The following TRIM24 variants were observed in gnomAD, a reference collection of about 807,000 sequenced individuals.
TRIM24 encodes transcription intermediary factor 1-alpha.
Under a neutral mutation model 123.9 loss-of-function variants are expected in TRIM24, and 29 were observed. The ratio of observed to expected loss-of-function variants is 0.23; its 90% confidence interval spans 0.17 to 0.32. TRIM24 has a LOEUF of 0.32. TRIM24 is among the 10% of genes least tolerant of loss of function. TRIM24 has a pLI of 1.00. For missense variants in TRIM24, 932 were observed against 1,295.3 expected (o/e 0.72, Z 4.31); for synonymous variants, 456 against 461.1 (o/e 0.99, Z 0.14).
At chr7:138,524,800 C>T (rs908491744) in intron 4 of TRIM24, among the ~76,000 whole-genome samples, 1 of 152,070 alleles carries the variant, frequency 6.6e-6, no homozygotes, top group Admixed American at 6.5e-5. Flanking sequence ...TTTTGCCCTT[C>T]TCTGTCTGTA....
intron 7 of TRIM24, among the ~76,000 whole-genome samples, chr7:138,550,313 T>C (rs1461785923): frequency 1.5e-5 from 2 of 134,980 alleles, no homozygotes; most frequent in East Asian, 4.7e-4. Context: ...GAAAGAGGAG[T>C]TGATGGTGTG....
chr7:138,477,510 C>T (rs552152612), intron 1 of TRIM24, among the ~76,000 whole-genome samples: 54 of 152,208 alleles, frequency 3.5e-4, no homozygotes, highest in African/African-American at 1.1e-3. Context: ...CCCCAGCAAA[C>T]AAAACAAATG....
chr7:138,551,586 C>T (rs1470691535), intron 8 of TRIM24, among the ~76,000 whole-genome samples: 1 of 152,190 alleles, frequency 6.6e-6, no homozygotes, highest in Non-Finnish European at 1.5e-5. Context: ...TATAAACACA[C>T]ATACATGTAT....
At chr7:138,582,601 G>A (rs1197440644) in intron 17 of TRIM24, among the ~76,000 whole-genome samples, 2 of 151,112 alleles carry the variant, frequency 1.3e-5, no homozygotes, top group Non-Finnish European at 2.9e-5. Context: ...GTGCTGGAAA[G>A]GGCCTGGTAC....
At chr7:138,544,241 A>C (rs73465628) in intron 7 of TRIM24, among the ~76,000 whole-genome samples, 2,218 of 152,278 alleles carry the variant, frequency 0.015, 53 homozygotes, top group African/African-American at 0.051. Flanking sequence ...CTTTCTAAAA[A>C]TATTCCATGT....
rs1796671785 is a variant in TRIM24 at position 138,529,034 on chromosome 7, G to C, written c.882-82G>C. ...AGCTTCTAAGGGCTGAAAACATTTT[G>C]GTCTAATTTAGACATTAAAACGTCA... On this transcript the variant is annotated intron_variant, in intron 5 of 18. Coordinates refer to ENST00000343526, the MANE Select transcript of TRIM24 (RefSeq NM_015905.3). The C allele has an allele frequency of 4.3e-6, 3 of 700,308 alleles. No homozygotes were observed. The East Asian group carries it at 8.8e-5, about 21-fold the overall frequency. 43.4% of individuals were successfully genotyped at this position (700,308 alleles called of 1,614,324 possible).
At chr7:138,559,926 G>C (rs987352357) in intron 9 of TRIM24, among the ~76,000 whole-genome samples, 2 of 152,074 alleles carry the variant, frequency 1.3e-5, no homozygotes, top group Non-Finnish European at 2.9e-5. Flanking sequence ...ATTCTTTCCT[G>C]TACCCAGCCA....
intron 3 of TRIM24, among the ~76,000 whole-genome samples, chr7:138,518,745 C>T (rs1563043263): frequency 6.6e-6 from 1 of 152,156 alleles, no homozygotes; most frequent in Non-Finnish European, 1.5e-5. Flanking sequence ...AAGCGATCCT[C>T]TCAACTCAGC....
rs1794934576 is a variant in TRIM24 at position 138,460,514 on chromosome 7, G to A, written c.-35G>A. On this transcript the variant is annotated 5_prime_UTR_variant, in exon 1 of 19. Transcript: ENST00000343526. ...GTCGGGGGCGGCGGGCGGAGACCGC[G>A]CTCTCGCTTCCCCGGCGGCGGCAAG... is the stretch of plus-strand genomic sequence containing the variant. The A allele has an allele frequency of 5.5e-6, 7 of 1,261,448 alleles. No homozygotes were observed. In the South Asian group the frequency reaches 2.0e-4, roughly 36 times the overall value. The allele number at this position is 1,261,448 out of a possible 1,614,324, so 78.1% of individuals were successfully genotyped here.
Position 138,586,044 on chromosome 7 carries a change from GA to G in TRIM24, c.*1094del. 2.3e-6 allele frequency: 1 copy of G among 430,658 alleles called. No individual in the cohort carries two copies. The highest frequency in any genetic ancestry group is 5.7e-5 in the East Asian group (1 of 17,514). 26.7% of individuals were successfully genotyped at this position (430,658 alleles called of 1,614,324 possible). On this transcript the variant is annotated 3_prime_UTR_variant, in exon 19 of 19. Coordinates refer to ENST00000343526, the MANE Select transcript of TRIM24 (RefSeq NM_015905.3). ...CATCTATCTCATGTTTTTCTTTTGA[GA>G]GTCAGAACATCAAACTTAATCTTTG...
chr7:138,488,031 G>C (rs577863199), intron 1 of TRIM24, among the ~76,000 whole-genome samples: 5 of 152,096 alleles, frequency 3.3e-5, no homozygotes, highest in Admixed American at 6.6e-5. Context: ...GACTGTTATT[G>C]GTCTATTCAG....
In TRIM24 at chr7:138,580,673, G is replaced by C; in HGVS notation, c.2697G>C (p.Lys899Asn). Reference sequence around the variant, plus strand: ...AAAAGAAAACTGAAGGCCTTGTTAAGTTAACACCTATAGATAAAAGGGTAA... The same window carrying C: ...AAAAGAAAACTGAAGGCCTTGTTAACTTAACACCTATAGATAAAAGGGTAA... ...SEKKKTEGLV[K>N]LTPIDKRKCE... Residue 899 changes from lysine (K) to asparagine (N), a missense_variant, in exon 16 of 19, where the codon AAG becomes AAC. Physicochemically the swap from Lys to Asn is moderately conservative, Grantham distance 94. This residue lies in a region of TRIM24 where 45 missense variants were observed against 56.6 expected (regional missense o/e 0.80). Transcript: ENST00000343526. The C allele has an allele frequency of 6.2e-7, 1 of 1,613,744 alleles. No homozygotes were observed. Among genetic ancestry groups the C allele is most frequent in the South Asian group, 1.1e-5 (1 of 91,066 alleles).
rs181979650 is a variant in TRIM24, at chr7:138,468,521, C to T, written c.364+7609C>T. On this transcript the variant is annotated intron_variant, in intron 1 of 18. Coordinates refer to ENST00000343526, the MANE Select transcript of TRIM24 (RefSeq NM_015905.3). ...ATTTTTCCCATGCTTTTACTTCTAG[C>T]TTTTTAAAGTATCTCGTAGATAGCG... 8.3e-3 allele frequency among the ~76,000 whole-genome samples: 1,255 copies of T among 151,526 alleles called. 17 individuals are homozygous for T. The highest frequency in any genetic ancestry group is 0.028 in the African/African-American group (1,153 of 41,278).
intron 5 of TRIM24, among the ~76,000 whole-genome samples, chr7:138,526,432 G>GTTTTTGT (rs568804778): frequency 6.6e-6 from 1 of 151,614 alleles, no homozygotes; most frequent in African/African-American, 2.4e-5. Flanking sequence ...TTTTACCTCT[G>GTTTTTGT]TTTTTGTTTT....
chr7:138,509,721 A>AAG (rs1796246037), intron 2 of TRIM24, among the ~76,000 whole-genome samples: 1 of 148,634 alleles, frequency 6.7e-6, no homozygotes, highest in Non-Finnish European at 1.5e-5. Flanking sequence ...AAAAAAAAAA[A>AAG]GGAAAAAGAA....
intron 7 of TRIM24, among the ~76,000 whole-genome samples, chr7:138,548,720 T>A (rs1479524571): frequency 6.6e-6 from 1 of 152,228 alleles, no homozygotes; most frequent in East Asian, 1.9e-4. Context: ...TAATAACCAG[T>A]TAGCTTAAAA....
At chr7:138,513,257 T>G (rs187100358) in intron 2 of TRIM24, among the ~76,000 whole-genome samples, 17 of 152,330 alleles carry the variant, frequency 1.1e-4, no homozygotes, top group Admixed American at 8.5e-4. Context: ...CCTTCCTGCC[T>G]TCTTGTGTGC....
chr7:138,479,328 C>T (rs1392428162), intron 1 of TRIM24, among the ~76,000 whole-genome samples: 1 of 152,146 alleles, frequency 6.6e-6, no homozygotes, highest in East Asian at 1.9e-4. Context: ...TTTATCACTC[C>T]TTCCCTTTCC....
intron 1 of TRIM24, among the ~76,000 whole-genome samples, chr7:138,496,841 T>C (rs1467628338): frequency 6.6e-6 from 1 of 152,112 alleles, no homozygotes. Flanking sequence ...ATTGAGATGA[T>C]CAAAGAAGGC....
Sources: gnomAD v4.1 joint callset for allele counts (sites outside exome capture counted in the v4.1 genomes callset) on GRCh38, gnomAD v4.1.1 for gene constraint, gnomAD v4.1.1 regional missense constraint, MANE v1.5 for transcripts, NCBI Gene and HGNC (gene_info 2026-07-23, HGNC 2026-07-21) for gene names.